Variants in UTRN observed in about 807,000 individuals in gnomAD.
UTRN encodes utrophin.
Under a neutral mutation model 463.9 loss-of-function variants are expected in UTRN, and 283 were observed. The observed-to-expected ratio is 0.61, with a 90% CI of 0.55 to 0.67. The LOEUF (loss-of-function observed/expected upper bound fraction) is 0.67. Ranked by LOEUF, UTRN falls within the 30% of genes least tolerant of loss-of-function variation. The pLI, the probability that UTRN is intolerant of heterozygous loss-of-function variation, is 0.00. For missense variants in UTRN, 3,922 were observed against 4,084.3 expected (o/e 0.96, Z 1.08); for synonymous variants, 1,442 against 1,431.5 (o/e 1.01, Z -0.17).
chr6:144,765,198 G>A (rs889661436), intron 58 of UTRN, among the ~76,000 whole-genome samples: 3 of 152,072 alleles, frequency 2.0e-5, no homozygotes, highest in East Asian at 1.9e-4. Context: ...CCCTCCCCTC[G>A]CACGTAGACA....
At chr6:144,538,684 A>G (rs1004664724) in intron 44 of UTRN, among the ~76,000 whole-genome samples, 63 of 150,548 alleles carry the variant, frequency 4.2e-4, no homozygotes, top group African/African-American at 1.3e-3. Context: ...AAAAAAAAAA[A>G]AAAGAAATTA....
chr6:144,594,107 AAAT>A (rs1185364089), intron 51 of UTRN, among the ~76,000 whole-genome samples: 1 of 152,220 alleles, frequency 6.6e-6, no homozygotes, highest in Non-Finnish European at 1.5e-5. Flanking sequence ...CAAAAATGAA[AAAT>A]AATTCACAGT....
intron 52 of UTRN, among the ~76,000 whole-genome samples, chr6:144,697,142 AG>A (rs543283727): frequency 2.0e-5 from 3 of 152,308 alleles, no homozygotes; most frequent in East Asian, 3.9e-4. Flanking sequence ...ATTCTGTAGT[AG>A]ACATCATCCT....
chr6:144,683,867 T>A (rs1562761071), intron 52 of UTRN, among the ~76,000 whole-genome samples: 1 of 152,146 alleles, frequency 6.6e-6, no homozygotes, highest in Non-Finnish European at 1.5e-5. Flanking sequence ...CACACAGGGA[T>A]AAGAGGGACA....
chr6:144,780,255 A>G (rs1775702874), intron 60 of UTRN, among the ~76,000 whole-genome samples: 1 of 152,142 alleles, frequency 6.6e-6, no homozygotes, highest in African/African-American at 2.4e-5. Context: ...TTTTATATGT[A>G]TATAACCTTA....
rs1804048426 is a variant in UTRN, at chr6:144,289,845, G to A, written c.-92-1892G>A. Among the ~76,000 whole-genome samples the A allele has an allele frequency of 2.0e-5, 3 of 151,916 alleles. No homozygotes were observed. The South Asian group carries it at 6.2e-4, about 32-fold the overall frequency. The stretch of plus-strand genomic sequence containing the variant: ...TGTATTTTTTTTTAAGTAGAGATGG[G>A]GTTTCACCATGTTGGCCAGGCTGGT... On this transcript the variant is annotated intron_variant, in intron 1 of 74. Transcript: ENST00000367545.
At chr6:144,814,017 C>T (rs1055222024) in intron 65 of UTRN, among the ~76,000 whole-genome samples, 2 of 152,138 alleles carry the variant, frequency 1.3e-5, no homozygotes, top group Admixed American at 6.5e-5. Flanking sequence ...ACTGTTCCTA[C>T]GTGCTGGTAG....
At chr6:144,435,784 C>G (rs1282791466) in intron 9 of UTRN, 151 bp from the exon 10 acceptor site, 4 of 720,954 alleles carry the variant, frequency 5.5e-6, no homozygotes, top group Non-Finnish European at 9.1e-6. Flanking sequence ...GCTTCTAACT[C>G]ATTCATGGCA....
intron 52 of UTRN, 34 bp downstream of exon 52, chr6:144,678,612 G>T (rs757356361): frequency 6.5e-7 from 1 of 1,539,144 alleles, no homozygotes. Flanking sequence ...AAAAATAATG[G>T]GGTGGAAGGG....
intron 22 of UTRN, 68 bp from the exon 23 acceptor site, chr6:144,462,586 G>A: frequency 5.0e-6 from 7 of 1,405,956 alleles, no homozygotes; most frequent in Non-Finnish European, 5.8e-6. Flanking sequence ...ACTTTATATA[G>A]CCCATTTTAC....
In UTRN at chr6:144,700,089, C is replaced by A; in HGVS notation, c.7655C>A (p.Ala2552Asp). 1 of 1,587,380 alleles carries A rather than the reference C, an allele frequency of 6.3e-7. No individual in the cohort carries two copies. Among genetic ancestry groups the A allele is most frequent in the South Asian group, 1.2e-5 (1 of 86,288 alleles). Reference protein sequence around the residue: ...DLKAKSASIRAHLEASAEKWN... With the variant: ...DLKAKSASIRDHLEASAEKWN... ...TTATTATTATTATCTCTCAACAGGGCCCATTTGGAGGCCAGCGCTGAGAAG... is the reference window on the plus strand; with the variant it reads ...TTATTATTATTATCTCTCAACAGGGACCATTTGGAGGCCAGCGCTGAGAAG... Residue 2552 changes from alanine to aspartate, a missense_variant and splice_region_variant, in exon 53 of 75, where the codon GCC (alanine) becomes GAC (aspartate). By Grantham distance (126) the Ala-to-Asp change is moderately radical. Transcript: ENST00000367545.
intron 42 of UTRN, 102 bp from the exon 43 acceptor site, chr6:144,532,983 T>A: frequency 1.7e-6 from 1 of 572,454 alleles, no homozygotes; most frequent in Non-Finnish European, 3.0e-6. Flanking sequence ...AGGAGTTTGT[T>A]TCTTTCACAC....
intron 2 of UTRN, among the ~76,000 whole-genome samples, chr6:144,380,421 A>G (rs1174868756): frequency 6.6e-6 from 1 of 152,192 alleles, no homozygotes; most frequent in African/African-American, 2.4e-5. Flanking sequence ...GTTTGTCTAA[A>G]TCTTCCTTAA....
intron 73 of UTRN, among the ~76,000 whole-genome samples, chr6:144,842,787 C>T (rs184683061): frequency 6.6e-6 from 1 of 152,168 alleles, no homozygotes; most frequent in African/African-American, 2.4e-5. Context: ...ATTTACACTA[C>T]ATCAGTCTCC....
At chr6:144,395,813 A>G (rs766945847) in intron 2 of UTRN, among the ~76,000 whole-genome samples, 6 of 152,080 alleles carry the variant, frequency 3.9e-5, no homozygotes, top group Non-Finnish European at 8.8e-5. Context: ...TTTGTTAGGT[A>G]GTTTCTGTGT....
At chr6:144,579,469 A>G (rs955130264) in intron 51 of UTRN, among the ~76,000 whole-genome samples, 3 of 152,154 alleles carry the variant, frequency 2.0e-5, no homozygotes, top group Non-Finnish European at 2.9e-5. Context: ...CTTTAAATGA[A>G]CCCTGGTAAT....
intron 3 of UTRN, among the ~76,000 whole-genome samples, chr6:144,412,647 CA>C (rs1430184118): frequency 1.3e-5 from 2 of 151,680 alleles, no homozygotes; most frequent in African/African-American, 4.8e-5. Flanking sequence ...TTTGAACTAT[CA>C]GGGGCATCAG....
At chr6:144,494,812 G>A (rs1585009780) in intron 33 of UTRN, among the ~76,000 whole-genome samples, 1 of 152,014 alleles carries the variant, frequency 6.6e-6, no homozygotes, top group Non-Finnish European at 1.5e-5. Flanking sequence ...GCTGATTGGT[G>A]TGTTTACAAA....
chr6:144,390,423 A>G (rs1781804600), intron 2 of UTRN, among the ~76,000 whole-genome samples: 1 of 152,118 alleles, frequency 6.6e-6, no homozygotes, highest in African/African-American at 2.4e-5. Context: ...TAATCTCACT[A>G]AAGCACCCTT....
Sources: allele counts gnomAD v4.1 joint callset (sites outside exome capture counted in the v4.1 genomes callset), GRCh38; gene constraint gnomAD v4.1.1; transcripts MANE v1.5; gene names NCBI Gene and HGNC (gene_info 2026-07-23, HGNC 2026-07-21).